RORA: variants seen among roughly 807,000 people sequenced by gnomAD.
RORA encodes the protein nuclear receptor ROR-alpha.
RORA carries 7 observed loss-of-function variants against 69.5 expected under a neutral mutation model. The observed-to-expected ratio is 0.10, with a 90% confidence interval of 0.06 to 0.19. The LOEUF (loss-of-function observed/expected upper bound fraction) is 0.19. Ranked by LOEUF, RORA falls within the 10% of genes least tolerant of loss-of-function variation. The probability of loss-of-function intolerance (pLI) is 1.00; values close to 1 mark genes in which losing one functional copy is unlikely to be tolerated. For synonymous variants in RORA, 261 were observed against 240.8 expected, an observed-to-expected ratio of 1.08 and a Z score of -0.78; for missense variants, 457 against 663.0, an observed-to-expected ratio of 0.69 and a Z score of 3.41.
At chr15:61,222,330 T>C (rs2080105490) in intron 1 of RORA, among the ~76,000 whole-genome samples, 1 of 152,184 alleles carries the variant, frequency 6.6e-6, no homozygotes, top group Non-Finnish European at 1.5e-5. Context: ...CAGTCTGTAA[T>C]AATGACGTGT....
intron 1 of RORA, among the ~76,000 whole-genome samples, chr15:60,793,973 G>T (rs1033841799): frequency 6.6e-6 from 1 of 152,190 alleles, no homozygotes; most frequent in South Asian, 2.1e-4. Context: ...TCTAGAACGG[G>T]TTCTTTGAGG....
chr15:60,871,910 A>G (rs1438277911), intron 1 of RORA, among the ~76,000 whole-genome samples: 1 of 152,266 alleles, frequency 6.6e-6, no homozygotes, highest in Non-Finnish European at 1.5e-5. Context: ...CAAATGAATC[A>G]TAGTTATGTA....
intron 1 of RORA, among the ~76,000 whole-genome samples, chr15:61,027,052 A>C (rs1895855202): frequency 6.6e-6 from 1 of 151,640 alleles, no homozygotes; most frequent in Admixed American, 6.6e-5. Context: ...CTTCAACAGC[A>C]TTTATCATTG....
chr15:60,525,609 A>G (rs2066327786), intron 3 of RORA, among the ~76,000 whole-genome samples: 1 of 152,220 alleles, frequency 6.6e-6, no homozygotes, highest in Admixed American at 6.5e-5. Context: ...CTTGCTTTTG[A>G]CAACCAAGAT....
chr15:60,956,505 A>C (rs949184838), intron 1 of RORA, among the ~76,000 whole-genome samples: 1 of 152,214 alleles, frequency 6.6e-6, no homozygotes, highest in Admixed American at 6.5e-5. Context: ...GCAGAATGGG[A>C]AAGTATAGGA....
At chr15:60,523,046 A>AC (rs2066226999) in intron 3 of RORA, among the ~76,000 whole-genome samples, 2 of 135,764 alleles carry the variant, frequency 1.5e-5, no homozygotes, top group Non-Finnish European at 1.6e-5. Flanking sequence ...TCAAAAAAAA[A>AC]ACACAAAAAA....
chr15:60,677,307 C>T (rs948938408), intron 2 of RORA: 2 of 426,702 alleles, frequency 4.7e-6, no homozygotes, highest in Non-Finnish European at 9.8e-6. Context: ...TATGCACCGA[C>T]AACAGCAAGA....
Position 60,936,400 on chromosome 15 carries a change from C to T in RORA, c.167-257714G>A, listed in dbSNP as rs567735129. 1.4e-4 allele frequency among the ~76,000 whole-genome samples: 21 copies of T among 152,334 alleles called. No individual in the cohort carries two copies. In the South Asian group the frequency reaches 3.7e-3, roughly 27 times the overall value. ...GAGAGAGCTGGTGTAATTAGCAGCA[C>T]AGGGCACGTTTCCAGAAACAGCCTG... On this transcript the variant is annotated intron_variant, in intron 1 of 10. Transcript: ENST00000335670.
intron 1 of RORA, among the ~76,000 whole-genome samples, chr15:61,000,617 C>T (rs545594058): frequency 2.0e-4 from 31 of 152,140 alleles, no homozygotes; most frequent in African/African-American, 5.5e-4. Flanking sequence ...GCTAACCTGA[C>T]GGAAAATAGA....
chr15:61,172,738 T>C (rs2079596513), intron 1 of RORA, among the ~76,000 whole-genome samples: 1 of 152,218 alleles, frequency 6.6e-6, no homozygotes, highest in Non-Finnish European at 1.5e-5. Flanking sequence ...GAAAGCAGTT[T>C]TCTACTATTT....
rs147861260 is a variant in RORA, at chr15:61,122,591, C to T, written c.166+106462G>A. 4.1e-3 allele frequency among the ~76,000 whole-genome samples: 629 copies of T among 152,222 alleles called. 4 individuals are homozygous for T. The highest frequency in any genetic ancestry group is 7.5e-3 in the Admixed American group (114 of 15,290). ...TCTCAGATATGATCTCATAAATACCCTACGGAGGATATCACTTTTTTTCAG... is the reference window on the plus strand; with the variant it reads ...TCTCAGATATGATCTCATAAATACCTTACGGAGGATATCACTTTTTTTCAG... On this transcript the variant is annotated intron_variant, in intron 1 of 10. Transcript: ENST00000335670.
chr15:60,978,133 CA>C (rs1893930339), intron 1 of RORA, among the ~76,000 whole-genome samples: 1 of 10,054 alleles, frequency 9.9e-5, no homozygotes, highest in Non-Finnish European at 3.1e-4. Flanking sequence ...TTATTTTCTT[CA>C]TCATCATCAT....
At chr15:60,752,903 AG>A (rs2071747545) in intron 1 of RORA, among the ~76,000 whole-genome samples, 1 of 152,182 alleles carries the variant, frequency 6.6e-6, no homozygotes, top group Non-Finnish European at 1.5e-5. Flanking sequence ...CCAGCCATCC[AG>A]GGACTGTCAA....
chr15:60,655,207 C>T (rs889754172), intron 2 of RORA, among the ~76,000 whole-genome samples: 5 of 152,084 alleles, frequency 3.3e-5, no homozygotes, highest in Admixed American at 6.6e-5. Flanking sequence ...GACAGAGTCT[C>T]ACTCTGTCGC....
At chr15:60,634,770 GC>G (rs1376967578) in intron 2 of RORA, among the ~76,000 whole-genome samples, 2 of 151,994 alleles carry the variant, frequency 1.3e-5, no homozygotes, top group Non-Finnish European at 2.9e-5. Context: ...TTTCCCCCTA[GC>G]CCCATTGAAT....
intron 1 of RORA, among the ~76,000 whole-genome samples, chr15:60,732,944 T>G (rs915609841): frequency 6.6e-6 from 1 of 152,190 alleles, no homozygotes; most frequent in African/African-American, 2.4e-5. Flanking sequence ...AAAAACTACT[T>G]TCTTTTGACA....
At chr15:60,863,911 ATTC>A (rs1010656477) in intron 1 of RORA, among the ~76,000 whole-genome samples, 1 of 151,944 alleles carries the variant, frequency 6.6e-6, no homozygotes, top group African/African-American at 2.4e-5. Context: ...GGTTCAAGCA[ATTC>A]TTCTTCCTCA....
intron 1 of RORA, among the ~76,000 whole-genome samples, chr15:60,774,666 T>C (rs981740308): frequency 2.4e-4 from 37 of 152,194 alleles, no homozygotes; most frequent in African/African-American, 8.0e-4. Context: ...TATCTTCCTT[T>C]ACACTAAACT....
In RORA at chr15:60,631,475, T is replaced by C. The variant is rs530668815; in HGVS notation, c.196+47182A>G. Among the ~76,000 whole-genome samples, 5 of 152,322 alleles carry C rather than the reference T, an allele frequency of 3.3e-5. No homozygotes were observed. The South Asian group carries it at 1.0e-3, about 32-fold the overall frequency. ...AATCTCCAGCTCATATCAATTCATT[T>C]CCCTAACAGAAAATAGGTGTCAACT... On this transcript the variant is annotated intron_variant, in intron 2 of 10. Transcript: ENST00000335670.
Sources: allele counts gnomAD v4.1 joint callset (sites outside exome capture counted in the v4.1 genomes callset), GRCh38; gene constraint gnomAD v4.1.1; transcripts MANE v1.5; gene names NCBI Gene and HGNC (gene_info 2026-07-23, HGNC 2026-07-21).